Variants in PRIM2 observed in about 807,000 individuals in gnomAD.
The protein encoded by PRIM2 is DNA primase large subunit.
PRIM2 carries 39 observed loss-of-function variants against 67.3 expected under a neutral mutation model. That is an observed-to-expected ratio of 0.58 (90% CI 0.45 to 0.76). The LOEUF (loss-of-function observed/expected upper bound fraction) is 0.76. PRIM2 is among the 30% of genes least tolerant of loss of function. The pLI is 0.00. For missense variants in PRIM2, 398 were observed against 598.7 expected (o/e 0.66, Z 3.50); for synonymous variants, 143 against 198.7 (o/e 0.72, Z 2.36).
intron 8 of PRIM2, among the ~76,000 whole-genome samples, chr6:57,518,367 T>G (rs1163015707): frequency 2.0e-5 from 3 of 152,234 alleles, no homozygotes; most frequent in African/African-American, 7.2e-5. Flanking sequence ...ATTTTCTCAC[T>G]ATGTTATGTT....
intron 7 of PRIM2, among the ~76,000 whole-genome samples, chr6:57,435,985 T>A (rs1249504615): frequency 1.3e-5 from 2 of 152,224 alleles, no homozygotes; most frequent in African/African-American, 4.8e-5. Context: ...CAAATTACAT[T>A]CAGAGGCTAG....
intron 7 of PRIM2, among the ~76,000 whole-genome samples, chr6:57,445,912 A>C (rs1050332787): frequency 6.6e-6 from 1 of 152,210 alleles, no homozygotes; most frequent in Non-Finnish European, 1.5e-5. Context: ...AGAAGGAAGA[A>C]CATTGTTCTC....
At chr6:57,340,803 A>G (rs1030152030) in intron 5 of PRIM2, among the ~76,000 whole-genome samples, 2 of 152,142 alleles carry the variant, frequency 1.3e-5, no homozygotes, top group Admixed American at 6.5e-5. Context: ...ACATGTATAC[A>G]TATGTAACAA....
the PRIM2 span, among the ~76,000 whole-genome samples, chr6:57,240,582 G>A: frequency 6.6e-6 from 1 of 152,268 alleles, no homozygotes; most frequent in East Asian, 1.9e-4. Flanking sequence ...ACAGGTGAGA[G>A]GTAGAGAGAA....
At chr6:57,453,694 A>G (rs1404621931) in intron 7 of PRIM2, among the ~76,000 whole-genome samples, 85 of 152,236 alleles carry the variant, frequency 5.6e-4, no homozygotes, top group Non-Finnish European at 8.7e-4. Context: ...GGGCTGAGAC[A>G]ATGGGGTTTT....
chr6:57,587,393 G>T (rs1401238039), intron 10 of PRIM2, among the ~76,000 whole-genome samples: 2 of 152,102 alleles, frequency 1.3e-5, no homozygotes, highest in African/African-American at 4.8e-5. Flanking sequence ...AGCCGAGAGC[G>T]GTGGCTCATG....
chr6:57,570,336 A>C (rs1321972779), intron 10 of PRIM2, among the ~76,000 whole-genome samples: 1 of 152,200 alleles, frequency 6.6e-6, no homozygotes, highest in Non-Finnish European at 1.5e-5. Flanking sequence ...TGCCAGTATC[A>C]TAGAGCAGGA....
At chr6:57,303,396 A>G in the PRIM2 span, among the ~76,000 whole-genome samples, 1 of 152,112 alleles carries the variant, frequency 6.6e-6, no homozygotes, top group South Asian at 2.1e-4. Flanking sequence ...ACTACAATTT[A>G]TTGGTGGGCC....
chr6:57,614,502 T>C (rs1776718929), intron 12 of PRIM2, among the ~76,000 whole-genome samples: 2 of 152,142 alleles, frequency 1.3e-5, no homozygotes, highest in African/African-American at 4.8e-5. Context: ...TATATAGATA[T>C]ACAATCTATA....
At chr6:57,405,313 A>G (rs1317879860) in intron 7 of PRIM2, among the ~76,000 whole-genome samples, 13 of 152,108 alleles carry the variant, frequency 8.5e-5, no homozygotes, top group Non-Finnish European at 1.2e-4. Context: ...TAAATGTTAC[A>G]GGGTTGATAA....
the PRIM2 span, among the ~76,000 whole-genome samples, chr6:57,293,870 A>C: frequency 6.6e-6 from 1 of 152,132 alleles, no homozygotes; most frequent in Admixed American, 6.6e-5. Context: ...TATGTAAATG[A>C]CAAGCTGATG....
chr6:57,614,578 TGGTG>T (rs1457814367), intron 12 of PRIM2, among the ~76,000 whole-genome samples: 1 of 152,088 alleles, frequency 6.6e-6, no homozygotes, highest in Non-Finnish European at 1.5e-5. Context: ...TGGCTGGGTG[TGGTG>T]GCTCACACCT....
chr6:57,315,761 T>C (rs1767469050), upstream of PRIM2, among the ~76,000 whole-genome samples: 1 of 152,172 alleles, frequency 6.6e-6, no homozygotes, highest in Non-Finnish European at 1.5e-5. Flanking sequence ...AATACTTCTG[T>C]GAATTTTTTA....
chr6:57,631,133 T>C (rs1234420318), intron 12 of PRIM2, among the ~76,000 whole-genome samples: 3 of 152,072 alleles, frequency 2.0e-5, no homozygotes, highest in Non-Finnish European at 4.4e-5. Flanking sequence ...AATTTTTTTG[T>C]GTGTATCTGT....
At chr6:57,516,669 C>G (rs1223740804) in intron 8 of PRIM2, among the ~76,000 whole-genome samples, 5 of 152,100 alleles carry the variant, frequency 3.3e-5, no homozygotes, top group African/African-American at 1.2e-4. Context: ...CTGAGATGTA[C>G]TGGTTACTTT....
At chr6:57,375,516 G>A (rs1769732091) in intron 5 of PRIM2, among the ~76,000 whole-genome samples, 1 of 152,028 alleles carries the variant, frequency 6.6e-6, no homozygotes, top group Non-Finnish European at 1.5e-5. Context: ...AAGGATATTG[G>A]CCTGATGTTT....
At chr6:57,378,573 T>C (rs1484073923) in intron 5 of PRIM2, among the ~76,000 whole-genome samples, 1 of 152,204 alleles carries the variant, frequency 6.6e-6, no homozygotes, top group Non-Finnish European at 1.5e-5. Flanking sequence ...AATTTATTTG[T>C]AGGAATACTT....
chr6:57,268,284 T>C, the PRIM2 span, among the ~76,000 whole-genome samples: 2 of 152,204 alleles, frequency 1.3e-5, no homozygotes, highest in Non-Finnish European at 2.9e-5. Flanking sequence ...CCAATTACTT[T>C]ACTGTATAAC....
At chr6:57,570,032 G>A (rs1303542956) in intron 10 of PRIM2, among the ~76,000 whole-genome samples, 2 of 152,250 alleles carry the variant, frequency 1.3e-5, no homozygotes, top group East Asian at 1.9e-4. Flanking sequence ...GAGCCACCAC[G>A]CCCTGCCACT....
Sources: allele counts gnomAD v4.1 joint callset (sites outside exome capture counted in the v4.1 genomes callset), GRCh38; gene constraint gnomAD v4.1.1; transcripts MANE v1.5; gene names NCBI Gene and HGNC (gene_info 2026-07-23, HGNC 2026-07-21).